Variants in CEP128 observed in about 807,000 individuals in gnomAD.
The protein encoded by CEP128 is centrosomal protein 128kDa.
A neutral mutation model predicts 156.7 loss-of-function variants in CEP128; 132 were observed. The ratio of observed to expected loss-of-function variants is 0.84; its 90% CI spans 0.73 to 0.97. CEP128 has a LOEUF of 0.97. CEP128 is among the 50% of genes least tolerant of loss of function. The pLI is 0.00. For missense variants in CEP128, 1,252 were observed against 1,281.9 expected, an observed-to-expected ratio of 0.98 and a Z score of 0.36; for synonymous variants, 469 against 448.9, an observed-to-expected ratio of 1.04 and a Z score of -0.57.
chr14:80,848,905 G>C (rs968663255), intron 9 of CEP128, among the ~76,000 whole-genome samples: 1 of 151,228 alleles, frequency 6.6e-6, no homozygotes, highest in Admixed American at 6.6e-5. Flanking sequence ...CTGGGCAACA[G>C]AGTGAGACTG....
At chr14:80,908,557 T>G (rs991291984) in intron 4 of CEP128, among the ~76,000 whole-genome samples, 9 of 152,200 alleles carry the variant, frequency 5.9e-5, no homozygotes, top group African/African-American at 2.2e-4. Flanking sequence ...TTCAATTATT[T>G]TCCAAAACTC....
chr14:80,955,573 C>A, intron 2 of CEP128: 1 of 1,391,986 alleles, frequency 7.2e-7, no homozygotes, highest in African/African-American at 1.4e-5. Flanking sequence ...CTCCCTCTTC[C>A]CACCCCTCCC....
At chr14:80,577,582 G>T (rs2140434873) in intron 20 of CEP128, among the ~76,000 whole-genome samples, 1 of 152,156 alleles carries the variant, frequency 6.6e-6, no homozygotes, top group East Asian at 1.9e-4. Flanking sequence ...GCTCTCTGCT[G>T]CCACCCAATC....
chr14:80,775,064 G>A (rs1379937070), intron 16 of CEP128, among the ~76,000 whole-genome samples: 1 of 152,030 alleles, frequency 6.6e-6, no homozygotes, highest in Non-Finnish European at 1.5e-5. Flanking sequence ...CATATATTTG[G>A]AAACATAACA....
chr14:80,901,130 C>T (rs1048011767), intron 6 of CEP128, among the ~76,000 whole-genome samples: 12 of 151,586 alleles, frequency 7.9e-5, no homozygotes, highest in African/African-American at 2.4e-4. Context: ...GGCGTGAACC[C>T]GGGAGGCGGA....
In CEP128 at chr14:80,728,756, A is replaced by C. The variant is rs186534109; in HGVS notation, c.2806+14319T>G. Among the ~76,000 whole-genome samples, 733 of 152,314 alleles carry C rather than the reference A, an allele frequency of 4.8e-3. 1 individual carries two copies. The highest frequency in any genetic ancestry group is 8.1e-3 in the South Asian group (39 of 4,820). ...CTCTGTCTGGATTAAGAGAAGGACC[A>C]AAAAAGTGATCATTTGTAGCAGTAA... On this transcript the variant is annotated intron_variant, in intron 19 of 24. Transcript: ENST00000555265.
rs1435905791 is a variant in CEP128, at chr14:80,785,202, T to C, written c.1904A>G (p.Glu635Gly). The change falls in exon 15 of 25, where the codon GAG (glutamate) becomes GGG (glycine). Residue 635 changes from glutamate (E) to glycine (G), a missense_variant. By Grantham distance (98) the Glu-to-Gly change is moderately conservative. Transcript: ENST00000555265. The part of the protein sequence containing the change: ...QDKAKLLEMQ[E>G]SIKDLSAIRA... ...GATGGCACTCAGGTCCTTGATGGAC[T>C]CTTGCATCTCAAGAAGTTTAGCTTT... is the stretch of plus-strand genomic sequence containing the variant. 3.1e-6 allele frequency: 5 copies of C among 1,614,226 alleles called. No homozygotes were observed. Among genetic ancestry groups the C allele is most frequent in the Non-Finnish European group, 4.2e-6 (5 of 1,180,012 alleles).
intron 9 of CEP128, among the ~76,000 whole-genome samples, chr14:80,859,091 T>C (rs962332860): frequency 1.0e-4 from 15 of 150,326 alleles, no homozygotes; most frequent in East Asian, 7.9e-4. Flanking sequence ...TAAAGACACA[T>C]GCACACGTAT....
chr14:80,595,286 A>T (rs1206273438), intron 19 of CEP128, among the ~76,000 whole-genome samples: 2 of 152,184 alleles, frequency 1.3e-5, no homozygotes, highest in East Asian at 3.8e-4. Context: ...ACACATGGAC[A>T]CAGAGAGGGG....
exon 15 of CEP128, chr14:80,477,906 TGGAGGAAAGAATTTGGTGGCAAAATTC>T (rs1180795505): frequency 6.6e-6 from 1 of 152,164 alleles, no homozygotes; most frequent in Admixed American, 6.5e-5. Context: ...ATATTAGCTC[TGGAGGAAAGAATTTGGTGGCAAAATTC>T]CATATTTACT....
rs1889738771 is a variant in CEP128 at position 80,541,151 on chromosome 14, TCA to T, written c.2881-10267_2881-10266del. Among the ~76,000 whole-genome samples, 3 of 152,168 alleles carry T rather than the reference TCA, an allele frequency of 2.0e-5. No individual in the cohort carries two copies. In the South Asian group the frequency reaches 6.2e-4, roughly 31 times the overall value. ...GGGCAAACAATTTAACCCATGGTTC[TCA>T]GTTTCTAAGTCAGGAAAATGGGAAA... On this transcript the variant is annotated intron_variant, in intron 21 of 24. Coordinates refer to ENST00000555265, the MANE Select transcript of CEP128 (RefSeq NM_152446.5).
chr14:80,797,598 T>G (rs1429091968), intron 13 of CEP128, among the ~76,000 whole-genome samples: 1 of 152,168 alleles, frequency 6.6e-6, no homozygotes, highest in Non-Finnish European at 1.5e-5. Context: ...GGCATTTCTT[T>G]AATCCATTTT....
intron 21 of CEP128, among the ~76,000 whole-genome samples, chr14:80,555,157 A>G (rs1890378294): frequency 6.6e-6 from 1 of 152,224 alleles, no homozygotes; most frequent in Admixed American, 6.5e-5. Context: ...CTCTCTATAC[A>G]TTATCTCCTA....
At chr14:80,672,798 A>T (rs1378059542) in intron 19 of CEP128, among the ~76,000 whole-genome samples, 1 of 152,202 alleles carries the variant, frequency 6.6e-6, no homozygotes, top group African/African-American at 2.4e-5. Flanking sequence ...CTACTATAGC[A>T]TCTGGGGATA....
At chr14:80,924,879 T>C (rs1434390584) in intron 2 of CEP128, among the ~76,000 whole-genome samples, 2 of 151,948 alleles carry the variant, frequency 1.3e-5, no homozygotes, top group Non-Finnish European at 2.9e-5. Context: ...TGGGAGGCTG[T>C]TGCAATCATT....
At chr14:80,549,028 C>A (rs926602915) in intron 21 of CEP128, among the ~76,000 whole-genome samples, 2 of 152,202 alleles carry the variant, frequency 1.3e-5, no homozygotes, top group Non-Finnish European at 2.9e-5. Flanking sequence ...CATAAACAGT[C>A]ATGTTTCAGA....
intron 21 of CEP128, among the ~76,000 whole-genome samples, chr14:80,556,351 T>C (rs1176569549): frequency 1.3e-5 from 2 of 152,204 alleles, no homozygotes; most frequent in Non-Finnish European, 2.9e-5. Flanking sequence ...CACAGTCTTA[T>C]GTGAGGTTGA....
At chr14:80,633,577 A>T (rs1285399264) in intron 19 of CEP128, among the ~76,000 whole-genome samples, 1 of 152,086 alleles carries the variant, frequency 6.6e-6, no homozygotes, top group Non-Finnish European at 1.5e-5. Flanking sequence ...CTCCAACAAG[A>T]TTTCTAATCT....
intron 19 of CEP128, among the ~76,000 whole-genome samples, chr14:80,589,287 A>G (rs1253727979): frequency 6.6e-6 from 1 of 152,162 alleles, no homozygotes; most frequent in Non-Finnish European, 1.5e-5. Context: ...TTAAGCCACT[A>G]AATTTGTGGT....
Sources: gnomAD v4.1 joint callset for allele counts (sites outside exome capture counted in the v4.1 genomes callset) on GRCh38, gnomAD v4.1.1 for gene constraint, MANE v1.5 for transcripts, NCBI Gene and HGNC (gene_info 2026-07-23, HGNC 2026-07-21) for gene names.